DCDC1: variants seen among roughly 807,000 people sequenced by gnomAD.
DCDC1 encodes doublecortin domain containing 1, also known as doublecortin domain-containing protein 1.
DCDC1 carries 200 observed loss-of-function variants against 178.3 expected under a neutral mutation model. That is an observed-to-expected ratio of 1.12 (90% confidence interval 1.00 to 1.26). DCDC1 has a LOEUF of 1.26. Among genes scored for constraint, DCDC1 ranks in the 50% most tolerant of loss-of-function variants. DCDC1 has a pLI of 0.00. For synonymous variants in DCDC1, 690 were observed against 604.8 expected, an observed-to-expected ratio of 1.14 and a Z score of -2.07; for missense variants, 1,983 against 1,749.2, an observed-to-expected ratio of 1.13 and a Z score of -2.38.
At chr11:30,951,948 T>A (rs555935186) in intron 21 of DCDC1, among the ~76,000 whole-genome samples, 7 of 152,056 alleles carry the variant, frequency 4.6e-5, no homozygotes, top group Non-Finnish European at 8.8e-5. Flanking sequence ...AATTGCCAGA[T>A]AAAATTTTTA....
intron 9 of DCDC1, among the ~76,000 whole-genome samples, chr11:31,220,581 T>G: frequency 6.6e-6 from 1 of 152,352 alleles, no homozygotes; most frequent in African/African-American, 2.4e-5. Context: ...ATCAGATGCA[T>G]TATGTTATAT....
chr11:31,166,514 G>T (rs906690550), intron 9 of DCDC1, among the ~76,000 whole-genome samples: 8 of 152,132 alleles, frequency 5.3e-5, no homozygotes, highest in Admixed American at 1.3e-4. Context: ...CATGACAAAA[G>T]AATCAAGTGT....
chr11:30,905,108 T>C lies in DCDC1; in HGVS notation c.4161A>G (p.Leu1387=), dbSNP rs1003655098. 9.9e-6 allele frequency: 16 copies of C among 1,613,416 alleles called. No homozygotes were observed. Among genetic ancestry groups the C allele is most frequent in the African/African-American group, 1.3e-5 (1 of 75,032 alleles). Residue 1387 remains leucine, a synonymous_variant, in exon 31 of 39, where the codon CTA becomes CTG. Coordinates refer to ENST00000684477, the MANE Select transcript of DCDC1 (RefSeq NM_001387274.1). ...TGCAGGTCTTCATCCGTAAAGACAA[T>C]AGACGTGCTTGGTAGTAACTTAGAG... ...EKTLSYYQAR[L]LSLRMKTCTQ...
At chr11:31,077,760 AT>A (rs2135558928) in intron 18 of DCDC1, 104 bp downstream of exon 18, 1 of 626,106 alleles carries the variant, frequency 1.6e-6, no homozygotes, top group Non-Finnish European at 2.9e-6. Flanking sequence ...GAAGTCATAT[AT>A]GCAGAAAAAG....
chr11:31,356,923 G>A (rs1296912623), intron 1 of DCDC1, among the ~76,000 whole-genome samples: 1 of 152,152 alleles, frequency 6.6e-6, no homozygotes, highest in Non-Finnish European at 1.5e-5. Flanking sequence ...AACAACAGGA[G>A]CTGAAATTGT....
intron 7 of DCDC1, among the ~76,000 whole-genome samples, chr11:31,283,715 T>G (rs1383485880): frequency 6.6e-6 from 1 of 152,150 alleles, no homozygotes; most frequent in African/African-American, 2.4e-5. Context: ...TACATCCTAA[T>G]TAGCTGTTCT....
chr11:31,040,931 T>A (rs1369055420), intron 20 of DCDC1, among the ~76,000 whole-genome samples: 1 of 152,236 alleles, frequency 6.6e-6, no homozygotes, highest in Non-Finnish European at 1.5e-5. Flanking sequence ...TATGTATTCA[T>A]CTGCATATGG....
At chr11:31,285,795 A>G (rs761087806) in intron 7 of DCDC1, among the ~76,000 whole-genome samples, 3 of 152,158 alleles carry the variant, frequency 2.0e-5, no homozygotes, top group Non-Finnish European at 4.4e-5. Context: ...AGTAATTACA[A>G]TGAAATATGC....
intron 9 of DCDC1, among the ~76,000 whole-genome samples, chr11:31,206,463 G>A (rs1396830784): frequency 6.6e-6 from 1 of 152,158 alleles, no homozygotes; most frequent in Non-Finnish European, 1.5e-5. Flanking sequence ...GCCCAGGCTG[G>A]AGTGCAGTGG....
At chr11:31,240,114 T>C (rs535594787) in intron 9 of DCDC1, among the ~76,000 whole-genome samples, 17 of 152,038 alleles carry the variant, frequency 1.1e-4, no homozygotes, top group African/African-American at 3.1e-4. Flanking sequence ...TTTCAATAAG[T>C]GGAATCAAAC....
chr11:30,897,515 G>A (rs938021169), intron 34 of DCDC1, among the ~76,000 whole-genome samples: 1 of 145,544 alleles, frequency 6.9e-6, no homozygotes, highest in African/African-American at 2.5e-5. Flanking sequence ...CCCGGGAGGC[G>A]GAGCTTGCAG....
intron 20 of DCDC1, among the ~76,000 whole-genome samples, chr11:31,035,380 C>T (rs1290984669): frequency 2.0e-5 from 3 of 152,198 alleles, no homozygotes; most frequent in African/African-American, 4.8e-5. Context: ...TTAGTTATCA[C>T]GTCTCCTTAG....
chr11:31,050,261 C>T (rs902403810), intron 20 of DCDC1, among the ~76,000 whole-genome samples: 2 of 152,088 alleles, frequency 1.3e-5, no homozygotes, highest in Admixed American at 6.5e-5. Flanking sequence ...ACCTGCATGA[C>T]TCAGCAGAGT....
chr11:30,888,843 T>C (rs1943539046), intron 36 of DCDC1, among the ~76,000 whole-genome samples: 1 of 152,220 alleles, frequency 6.6e-6, no homozygotes, highest in Admixed American at 6.5e-5. Context: ...GTTTTTGCAA[T>C]AACAAAGTTC....
chr11:30,909,461 G>A (rs1945295380), intron 28 of DCDC1, among the ~76,000 whole-genome samples: 1 of 151,776 alleles, frequency 6.6e-6, no homozygotes, highest in African/African-American at 2.4e-5. Flanking sequence ...AAACATGAAG[G>A]TTCTTTCTCA....
At position 31,012,866 on chromosome 11, in the gene DCDC1, C is replaced by T. The variant is rs111425677; in HGVS notation, c.2591+51603G>A. Among the ~76,000 whole-genome samples, 649 of 151,866 alleles carry T rather than the reference C, an allele frequency of 4.3e-3. 4 individuals are homozygous for T. The highest frequency in any genetic ancestry group is 0.015 in the African/African-American group (624 of 41,432). Reference sequence around the variant, plus strand: ...ACCATGCTATATCTTGTTGACAGAACAATAATAAAAATATTAGTGAATAAT... The same window carrying T: ...ACCATGCTATATCTTGTTGACAGAATAATAATAAAAATATTAGTGAATAAT... On this transcript the variant is annotated intron_variant, in intron 20 of 38. Transcript: ENST00000684477.
Position 30,881,266 on chromosome 11 carries a change from C to A in DCDC1, c.5125G>T (p.Ala1709Ser). ...CSSRLKMTHP[A>S]RALYTPSGEP... The stretch of plus-strand genomic sequence containing the variant: ...CCACTGGGGGTGTACAGTGCTCTAG[C>A]TGGGTGGGTCATTTTGAGACGAGAG... The change falls in exon 37 of 39, where the codon GCT (alanine) becomes TCT (serine). Residue 1709 changes from alanine to serine, a missense_variant. Physicochemically the swap from Ala to Ser is moderately conservative, Grantham distance 99. Transcript: ENST00000684477. The A allele has an allele frequency of 6.2e-7, 1 of 1,613,442 alleles. No homozygotes were observed. The highest frequency in any genetic ancestry group is 8.5e-7 in the Non-Finnish European group (1 of 1,179,566).
intron 9 of DCDC1, among the ~76,000 whole-genome samples, chr11:31,141,376 A>G (rs1339990897): frequency 6.6e-6 from 1 of 152,226 alleles, no homozygotes; most frequent in African/African-American, 2.4e-5. Context: ...AAAGCCTTTT[A>G]GTCCAACCAA....
At chr11:31,066,239 T>C (rs1956242435) in intron 18 of DCDC1, among the ~76,000 whole-genome samples, 1 of 152,224 alleles carries the variant, frequency 6.6e-6, no homozygotes, top group African/African-American at 2.4e-5. Context: ...ACTTGGAGGC[T>C]ACCCTTACAT....
Sources: allele counts gnomAD v4.1 joint callset (sites outside exome capture counted in the v4.1 genomes callset), GRCh38; gene constraint gnomAD v4.1.1; transcripts MANE v1.5; gene names NCBI Gene and HGNC (gene_info 2026-07-23, HGNC 2026-07-21).